Variants in SASH1 observed in about 807,000 individuals in gnomAD.
SASH1 encodes SAM and SH3 domain-containing protein 1.
In SASH1, 44 loss-of-function variants were observed where a neutral mutation model predicts 125.2. The ratio of observed to expected loss-of-function variants is 0.35; its 90% confidence interval spans 0.28 to 0.45. The LOEUF is 0.45. Ranked by LOEUF, SASH1 falls within the 20% of genes least tolerant of loss-of-function variation. SASH1 has a pLI of 1.00. For missense variants in SASH1, 1,426 were observed against 1,614.5 expected, an observed-to-expected ratio of 0.88 and a Z score of 2.00; for synonymous variants, 639 against 649.1, an observed-to-expected ratio of 0.98 and a Z score of 0.24.
chr6:148,454,479 T>C (rs1045744606), intron 4 of SASH1, among the ~76,000 whole-genome samples: 13 of 152,164 alleles, frequency 8.5e-5, no homozygotes, highest in Non-Finnish European at 2.9e-5. Context: ...TCGTCACAGG[T>C]TCCCATAGGA....
In SASH1 at chr6:148,546,077, C is replaced by A. The variant is rs144603368; in HGVS notation, c.3411C>A (p.Pro1137=). The change falls in exon 19 of 20, where the codon CCC becomes CCA. Residue 1137 remains proline, a synonymous_variant. Transcript: ENST00000367467. The part of the protein sequence containing the change: ...VQRYAEDLDQ[P]ERDVAANMDQ... ...GATACGCAGAGGACTTGGATCAGCC[C>A]GAGCGGGACGTCGCCGCCAACATGG... The A allele has an allele frequency of 1.9e-6, 3 of 1,614,246 alleles. No individual in the cohort carries two copies. The highest frequency in any genetic ancestry group is 2.5e-6 in the Non-Finnish European group (3 of 1,180,044).
At chr6:148,199,856 GAAAGA>G in the SASH1 span, among the ~76,000 whole-genome samples, 5 of 152,012 alleles carry the variant, frequency 3.3e-5, no homozygotes, top group African/African-American at 7.2e-5. Context: ...GAAAGGAAAG[GAAAGA>G]AAAGAGAAGG....
At chr6:148,420,172 T>G (rs780145601) in intron 2 of SASH1, among the ~76,000 whole-genome samples, 17 of 152,234 alleles carry the variant, frequency 1.1e-4, no homozygotes, top group Non-Finnish European at 2.4e-4. Flanking sequence ...ATGGACCTTC[T>G]ATATCCCAGT....
intron 1 of SASH1, among the ~76,000 whole-genome samples, chr6:148,319,234 C>G (rs900746510): frequency 5.3e-5 from 8 of 151,046 alleles, no homozygotes; most frequent in South Asian, 2.1e-4. Context: ...CGGGGTTTCA[C>G]CGTGTTTTGC....
chr6:148,334,268 C>CAA (rs926294248), intron 1 of SASH1, among the ~76,000 whole-genome samples: 1 of 138,840 alleles, frequency 7.2e-6, no homozygotes, highest in African/African-American at 2.6e-5. Context: ...ACTAAAAATA[C>CAA]AAAAAAAAAA....
chr6:148,543,831 G>A lies in SASH1; in HGVS notation c.2361G>A (p.Leu787=). 6.2e-7 allele frequency: 1 copy of A among 1,614,168 alleles called. No homozygotes were observed. The highest frequency in any genetic ancestry group is 1.1e-5 in the South Asian group (1 of 91,074). ...AGCAGGGACAGGAGGAGGGCAGGCT[G>A]GGTGGTGGCCTTGCCCCAGACACGT... ...ALKQGQEEGR[L]GGGLAPDTSK... is the part of the protein sequence containing the mutation. Residue 787 remains leucine (L), a synonymous_variant, in exon 18 of 20, where the codon CTG becomes CTA. Coordinates refer to ENST00000367467, the MANE Select transcript of SASH1 (RefSeq NM_015278.5).
At chr6:148,212,674 T>C in the SASH1 span, among the ~76,000 whole-genome samples, 2 of 152,210 alleles carry the variant, frequency 1.3e-5, no homozygotes, top group African/African-American at 4.8e-5. Context: ...CTGCAAAGCC[T>C]GAATTTCTAA....
chr6:148,213,824 C>A, the SASH1 span, among the ~76,000 whole-genome samples: 1 of 152,110 alleles, frequency 6.6e-6, no homozygotes, highest in Non-Finnish European at 1.5e-5. Flanking sequence ...CAGGGCCCTA[C>A]TACAAAAAAT....
rs542495587 is a variant in SASH1, at chr6:148,529,829, C to T, written c.1429-1697C>T. The stretch of plus-strand genomic sequence containing the variant: ...TTTTGTTTTTGTTTTTGTTTTGAGA[C>T]GGAGTGTCACTCTGTCACCCAGGCT... On this transcript the variant is annotated intron_variant, in intron 12 of 19. Transcript: ENST00000367467. The surrounding 1 kb of genome is among the most constrained non-coding windows in gnomAD (Gnocchi z 4.2). Among the ~76,000 whole-genome samples the T allele has an allele frequency of 2.4e-4, 36 of 151,428 alleles. No individual in the cohort carries two copies. Among genetic ancestry groups the T allele is most frequent in the African/African-American group, 8.5e-4 (35 of 41,246 alleles).
At chr6:148,293,729 C>G in intron 1 of SASH1, among the ~76,000 whole-genome samples, 1 of 152,158 alleles carries the variant, frequency 6.6e-6, no homozygotes. Context: ...GAGTTGGAAT[C>G]CTAGGAGAAG....
the SASH1 span, among the ~76,000 whole-genome samples, chr6:148,253,611 G>A: frequency 6.6e-6 from 1 of 152,186 alleles, no homozygotes; most frequent in African/African-American, 2.4e-5. Flanking sequence ...GGTGGCTGAT[G>A]CCTGTAATCC....
rs547967069 is a variant in SASH1 at position 148,377,489 on chromosome 6, T to C, written c.157-12645T>C. Among the ~76,000 whole-genome samples the C allele has an allele frequency of 2.5e-3, 379 of 152,356 alleles. 1 individual carries two copies. Among genetic ancestry groups the C allele is most frequent in the African/African-American group, 9.0e-3 (375 of 41,582 alleles). On this transcript the variant is annotated intron_variant, in intron 1 of 19. Coordinates refer to ENST00000367467, the MANE Select transcript of SASH1 (RefSeq NM_015278.5). ...TTTGGTGTGGGAAATATCTTTGGAT[T>C]CAGGAAGATCTTTGACTCTCAACAT...
chr6:148,349,752 T>C (rs1278297981), intron 1 of SASH1, among the ~76,000 whole-genome samples: 3 of 152,208 alleles, frequency 2.0e-5, no homozygotes, highest in Non-Finnish European at 4.4e-5. Flanking sequence ...GACTGCTCCA[T>C]GGTAACTTTC....
Position 148,426,822 on chromosome 6 carries a change from G to A in SASH1, c.286-13362G>A, listed in dbSNP as rs574916693. ...GTCTTATGTTAGTCAATCCCAGTGA[G>A]CAACTGGATGTACTCAGAAGATCAC... is the stretch of plus-strand genomic sequence containing the variant. On this transcript the variant is annotated intron_variant, in intron 2 of 19. Coordinates refer to ENST00000367467, the MANE Select transcript of SASH1 (RefSeq NM_015278.5). Among the ~76,000 whole-genome samples the A allele has an allele frequency of 2.0e-5, 3 of 152,260 alleles. No homozygotes were observed. The South Asian group carries it at 6.2e-4, about 32-fold the overall frequency.
chr6:148,539,756 A>C (rs1279728462), intron 16 of SASH1, among the ~76,000 whole-genome samples: 1 of 152,198 alleles, frequency 6.6e-6, no homozygotes, highest in Non-Finnish European at 1.5e-5. Context: ...AAGGAGAAGC[A>C]GAAAAGAAAA....
intron 7 of SASH1, among the ~76,000 whole-genome samples, chr6:148,474,939 T>A (rs1778276892): frequency 1.3e-5 from 2 of 152,208 alleles, no homozygotes; most frequent in Non-Finnish European, 2.9e-5. Context: ...TTATACTTAC[T>A]TTCATATCCA....
Position 148,531,574 on chromosome 6 carries a change from G to A in SASH1, c.1477G>A (p.Asp493Asn), listed in dbSNP as rs568821598. Residue 493 changes from aspartate to asparagine, a missense_variant, in exon 13 of 20, where the codon GAC (aspartate) becomes AAC (asparagine). Coordinates refer to ENST00000367467, the MANE Select transcript of SASH1 (RefSeq NM_015278.5). Reference protein sequence around the residue: ...MPGSPPPSQPDPEHLDKPKLK... With the variant: ...MPGSPPPSQPNPEHLDKPKLK... ...TGGCTCCCCTCCGCCTTCACAGCCC[G>A]ACCCCGAACACTTGGACAAGCCCAA... 65 of 1,570,562 alleles carry A rather than the reference G, an allele frequency of 4.1e-5. No homozygotes were observed. The highest frequency in any genetic ancestry group is 3.8e-4 in the South Asian group (32 of 85,054).
rs1322619025 is a variant in SASH1, at chr6:148,280,625, T to C, written n.74+8248T>C. Among the ~76,000 whole-genome samples, 5 of 152,020 alleles carry C rather than the reference T, an allele frequency of 3.3e-5. 1 individual carries two copies. In the South Asian group the frequency reaches 8.3e-4, roughly 25 times the overall value. On this transcript the variant is annotated intron_variant and non_coding_transcript_variant, in intron 1 of 3. Transcript: ENST00000367469. ...AAGAGTTTGAGATCAGCCTGGGAAA[T>C]AGAGAGACCCCGTCCCTACAAAAAG...
chr6:148,378,494 G>A (rs545540820), intron 1 of SASH1, among the ~76,000 whole-genome samples: 5 of 152,204 alleles, frequency 3.3e-5, no homozygotes, highest in South Asian at 4.1e-4. Flanking sequence ...AGCTGGGGCC[G>A]CAGGCGTGTG....
Sources: gnomAD v4.1 joint callset for allele counts (sites outside exome capture counted in the v4.1 genomes callset) on GRCh38, gnomAD v4.1.1 for gene constraint, Gnocchi (gnomAD v3.1) non-coding constraint, MANE v1.5 for transcripts, NCBI Gene and HGNC (gene_info 2026-07-23, HGNC 2026-07-21) for gene names.